The following KCNMA1 variants were observed in gnomAD, a reference collection of about 807,000 sequenced individuals.
KCNMA1 encodes potassium calcium-activated channel subfamily M alpha 1, also known as Calcium-activated potassium channel subunit alpha-1.
KCNMA1 carries 29 observed loss-of-function variants against 140.0 expected under a neutral mutation model. The observed-to-expected ratio is 0.21, with a 90% confidence interval of 0.15 to 0.28. KCNMA1 has a LOEUF of 0.28. Among genes scored for constraint, KCNMA1 ranks in the 10% least tolerant of loss-of-function variants. The pLI, the probability that KCNMA1 is intolerant of heterozygous loss-of-function variation, is 1.00. For missense variants in KCNMA1, 880 were observed against 1,602.2 expected, an observed-to-expected ratio of 0.55 and a Z score of 7.70; for synonymous variants, 612 against 611.9, an observed-to-expected ratio of 1.00 and a Z score of 0.00.
At chr10:77,630,797 G>A (rs1251805258) in intron 1 of KCNMA1, among the ~76,000 whole-genome samples, 1 of 152,034 alleles carries the variant, frequency 6.6e-6, no homozygotes, top group African/African-American at 2.4e-5. Context: ...AGCTCTCGGT[G>A]ATTCCTGAGC....
chr10:77,282,692 C>A lies in KCNMA1; in HGVS notation c.541-31436G>T, dbSNP rs557542004. 2.8e-5 allele frequency among the ~76,000 whole-genome samples: 4 copies of A among 143,386 alleles called. No individual in the cohort carries two copies. In the South Asian group the frequency reaches 8.9e-4, roughly 32 times the overall value. The allele number at this position is 143,386 out of a possible 152,430, so 94.1% of individuals were successfully genotyped here. On this transcript the variant is annotated intron_variant, in intron 2 of 27. Coordinates refer to ENST00000286628, the MANE Select transcript of KCNMA1 (RefSeq NM_001161352.2). Reference sequence around the variant, plus strand: ...TCTCCCCAGCCCCCAGCCTCCCAGGCTCCAATCTGCAACAACAAAGAGATA... The same window carrying A: ...TCTCCCCAGCCCCCAGCCTCCCAGGATCCAATCTGCAACAACAAAGAGATA...
At chr10:77,223,787 A>T (rs12767350) in intron 3 of KCNMA1, among the ~76,000 whole-genome samples, 1 of 152,068 alleles carries the variant, frequency 6.6e-6, no homozygotes, top group African/African-American at 2.4e-5. Context: ...GGTAGAGGTC[A>T]TGGACGAAGT....
intron 2 of KCNMA1, among the ~76,000 whole-genome samples, chr10:77,274,983 C>T (rs1002238199): frequency 6.6e-6 from 1 of 152,214 alleles, no homozygotes; most frequent in Non-Finnish European, 1.5e-5. Flanking sequence ...CTCCTGTTGC[C>T]TCCTGCAGCT....
intron 5 of KCNMA1, among the ~76,000 whole-genome samples, chr10:77,163,647 C>T (rs1355345166): frequency 1.3e-5 from 2 of 152,176 alleles, no homozygotes; most frequent in African/African-American, 4.8e-5. Flanking sequence ...TTCCAAGCAC[C>T]TTTGCAATCA....
rs373106496 is a variant in KCNMA1, at chr10:77,090,964, G to A, written c.1224-454C>T. On this transcript the variant is annotated intron_variant, in intron 9 of 27. Coordinates refer to ENST00000286628, the MANE Select transcript of KCNMA1 (RefSeq NM_001161352.2). ...ATGAGATAACAAATCTTGCTGAAAC[G>A]ATGATTTTGTGTGTAAGAAAGCAGA... 52 of 187,352 alleles carry A rather than the reference G, an allele frequency of 2.8e-4. No homozygotes were observed. The South Asian group carries it at 6.2e-3, about 22-fold the overall frequency. The allele number at this position is 187,352 out of a possible 1,614,324, so 11.6% of individuals were successfully genotyped here.
intron 6 of KCNMA1, among the ~76,000 whole-genome samples, 171 bp from the exon 7 acceptor site, chr10:77,112,613 G>A (rs532383301): frequency 2.0e-5 from 3 of 152,284 alleles, no homozygotes; most frequent in Admixed American, 6.5e-5. Context: ...CTGGGATGAA[G>A]GTCAGGACAG....
At chr10:77,522,990 A>G (rs934410480) in intron 1 of KCNMA1, among the ~76,000 whole-genome samples, 3 of 152,176 alleles carry the variant, frequency 2.0e-5, no homozygotes, top group African/African-American at 7.2e-5. Context: ...TCTAAGTGCC[A>G]ATGTAAAGTG....
At chr10:77,322,973 C>A (rs1168492319) in intron 2 of KCNMA1, among the ~76,000 whole-genome samples, 1 of 152,192 alleles carries the variant, frequency 6.6e-6, no homozygotes, top group Non-Finnish European at 1.5e-5. Context: ...TGAGGATTGA[C>A]TTATTCAGCA....
intron 23 of KCNMA1, among the ~76,000 whole-genome samples, chr10:76,932,388 T>C (rs147027172): frequency 0.017 from 2,522 of 152,258 alleles, 70 homozygotes; most frequent in African/African-American, 0.058. Flanking sequence ...TTAGTATTCT[T>C]AGTGAGAAAA....
chr10:76,899,245 C>T (rs536197308), intron 25 of KCNMA1, among the ~76,000 whole-genome samples: 3 of 152,170 alleles, frequency 2.0e-5, no homozygotes, highest in African/African-American at 7.2e-5. Flanking sequence ...TGTGTAATTG[C>T]AGATTTGAAT....
intron 19 of KCNMA1, among the ~76,000 whole-genome samples, chr10:77,000,345 A>C (rs746958910): frequency 6.6e-6 from 1 of 152,218 alleles, no homozygotes; most frequent in Non-Finnish European, 1.5e-5. Context: ...CCTTTTCTGC[A>C]CTTGGACCAA....
At chr10:77,343,559 C>A (rs1032765765) in intron 2 of KCNMA1, among the ~76,000 whole-genome samples, 1 of 152,156 alleles carries the variant, frequency 6.6e-6, no homozygotes, top group African/African-American at 2.4e-5. Flanking sequence ...TTTTATCAGG[C>A]ACCCCTTTCA....
chr10:77,629,163 T>G (rs1008975540), intron 1 of KCNMA1, among the ~76,000 whole-genome samples: 2 of 152,112 alleles, frequency 1.3e-5, no homozygotes, highest in Non-Finnish European at 1.5e-5. Context: ...GGGCCTGGAG[T>G]GCCAATTACA....
chr10:77,525,340 G>A (rs1006363260), intron 1 of KCNMA1, among the ~76,000 whole-genome samples: 6 of 152,160 alleles, frequency 3.9e-5, no homozygotes, highest in African/African-American at 4.8e-5. Flanking sequence ...GTTGGAACCC[G>A]TTCTCTTCCA....
chr10:77,419,406 T>C (rs2096821354), intron 1 of KCNMA1, among the ~76,000 whole-genome samples: 2 of 152,080 alleles, frequency 1.3e-5, no homozygotes, highest in Non-Finnish European at 2.9e-5. Context: ...AAAGGTCAGG[T>C]GGTTACCTGA....
At chr10:77,515,851 T>C (rs769770879) in intron 1 of KCNMA1, among the ~76,000 whole-genome samples, 2 of 152,168 alleles carry the variant, frequency 1.3e-5, no homozygotes, top group Non-Finnish European at 2.9e-5. Context: ...TCCCGGCACC[T>C]GGCATATCAT....
At chr10:77,133,000 A>C (rs1488606124) in intron 5 of KCNMA1, among the ~76,000 whole-genome samples, 1 of 152,130 alleles carries the variant, frequency 6.6e-6, no homozygotes, top group Non-Finnish European at 1.5e-5. Flanking sequence ...GGTGTGAAGG[A>C]GAGAGGGCAA....
At chr10:77,151,534 T>C (rs1363499983) in intron 5 of KCNMA1, among the ~76,000 whole-genome samples, 2 of 152,158 alleles carry the variant, frequency 1.3e-5, no homozygotes, top group Non-Finnish European at 2.9e-5. Flanking sequence ...GCCATAAATC[T>C]GCAGTTTCTA....
At chr10:77,490,542 C>G (rs574716821) in intron 1 of KCNMA1, among the ~76,000 whole-genome samples, 1 of 152,350 alleles carries the variant, frequency 6.6e-6, no homozygotes, top group African/African-American at 2.4e-5. Context: ...ATGACTACTA[C>G]TAACGATAGA....
Sources: allele counts gnomAD v4.1 joint callset (sites outside exome capture counted in the v4.1 genomes callset), GRCh38; gene constraint gnomAD v4.1.1; transcripts MANE v1.5; gene names NCBI Gene and HGNC (gene_info 2026-07-23, HGNC 2026-07-21).